Variants in NKAIN2 observed in about 807,000 individuals in gnomAD.
NKAIN2 encodes the protein sodium/potassium-transporting ATPase subunit beta-1-interacting protein 2.
A neutral mutation model predicts 32.6 loss-of-function variants in NKAIN2; 14 were observed. The observed-to-expected ratio is 0.43, with a 90% CI of 0.28 to 0.67. The LOEUF (loss-of-function observed/expected upper bound fraction) is 0.67. Among genes scored for constraint, NKAIN2 ranks in the 30% least tolerant of loss-of-function variants. The probability of loss-of-function intolerance (pLI) is 0.17; values close to 1 mark genes in which losing one functional copy is unlikely to be tolerated. For missense variants in NKAIN2, 198 were observed against 258.3 expected (o/e 0.77, Z 1.60); for synonymous variants, 80 against 87.2 (o/e 0.92, Z 0.46).
Position 124,751,512 on chromosome 6 carries a change from T to C in NKAIN2, c.475-39827T>C, listed in dbSNP as rs141436220. Among the ~76,000 whole-genome samples, 25 of 152,022 alleles carry C rather than the reference T, an allele frequency of 1.6e-4. No homozygotes were observed. The East Asian group carries it at 4.3e-3, about 26-fold the overall frequency. On this transcript the variant is annotated intron_variant, in intron 4 of 6. Coordinates refer to ENST00000368417, the MANE Select transcript of NKAIN2 (RefSeq NM_001040214.3). ...GATCAGAAAGGATGGGTTCCTGAGATGTCCCTTGAAAAATAGGGTAGTTAC... is the reference window on the plus strand; with the variant it reads ...GATCAGAAAGGATGGGTTCCTGAGACGTCCCTTGAAAAATAGGGTAGTTAC...
intron 1 of NKAIN2, among the ~76,000 whole-genome samples, chr6:123,966,936 A>T (rs1305056801): frequency 6.6e-6 from 1 of 152,172 alleles, no homozygotes; most frequent in Non-Finnish European, 1.5e-5. Flanking sequence ...TTAACTATGA[A>T]ACTATTAAGG....
At chr6:124,230,746 ATC>A (rs919701647) in intron 1 of NKAIN2, among the ~76,000 whole-genome samples, 7 of 152,326 alleles carry the variant, frequency 4.6e-5, no homozygotes, top group African/African-American at 1.2e-4. Flanking sequence ...GAGTTTGGGA[ATC>A]TCTGCCTAGA....
intron 3 of NKAIN2, among the ~76,000 whole-genome samples, chr6:124,457,774 G>C (rs1203759475): frequency 6.6e-6 from 1 of 151,838 alleles, no homozygotes; most frequent in Admixed American, 6.6e-5. Context: ...CCATTGCCAG[G>C]TGCCAAGATG....
At chr6:124,568,749 T>C (rs1781014576) in intron 3 of NKAIN2, among the ~76,000 whole-genome samples, 1 of 133,410 alleles carries the variant, frequency 7.5e-6, no homozygotes, top group Non-Finnish European at 1.5e-5. Flanking sequence ...AAAGAAAAAG[T>C]CAATAAAAAT....
At chr6:124,519,349 A>G (rs912102694) in intron 3 of NKAIN2, among the ~76,000 whole-genome samples, 6 of 152,184 alleles carry the variant, frequency 3.9e-5, no homozygotes, top group Non-Finnish European at 7.4e-5. Flanking sequence ...CAGGCTGACC[A>G]TCAATGAGGA....
At chr6:124,492,714 T>C (rs1211880881) in intron 3 of NKAIN2, among the ~76,000 whole-genome samples, 2 of 152,182 alleles carry the variant, frequency 1.3e-5, no homozygotes, top group Admixed American at 1.3e-4. Context: ...AACTATGATA[T>C]ACTTAATGTA....
At chr6:124,466,827 A>G (rs1405503723) in intron 3 of NKAIN2, among the ~76,000 whole-genome samples, 1 of 152,010 alleles carries the variant, frequency 6.6e-6, no homozygotes, top group Non-Finnish European at 1.5e-5. Flanking sequence ...AAAATGTTCA[A>G]TGGACGTAGA....
chr6:123,997,176 T>G (rs1373804451), intron 1 of NKAIN2, among the ~76,000 whole-genome samples: 3 of 152,196 alleles, frequency 2.0e-5, no homozygotes, highest in Non-Finnish European at 4.4e-5. Context: ...ACATTTCTAT[T>G]TATTTTAGGC....
At chr6:124,327,967 A>C (rs748153750) in intron 2 of NKAIN2, among the ~76,000 whole-genome samples, 1 of 152,344 alleles carries the variant, frequency 6.6e-6, no homozygotes, top group Non-Finnish European at 1.5e-5. Flanking sequence ...TCAAGTATTT[A>C]GATAAACATT....
chr6:124,412,962 A>G (rs954556424), intron 3 of NKAIN2, among the ~76,000 whole-genome samples: 1 of 151,960 alleles, frequency 6.6e-6, no homozygotes, highest in East Asian at 1.9e-4. Flanking sequence ...TGGGCGTAGG[A>G]CCCTCCGAGC....
intron 3 of NKAIN2, among the ~76,000 whole-genome samples, chr6:124,516,015 T>C (rs1778900476): frequency 6.6e-6 from 1 of 152,150 alleles, no homozygotes; most frequent in East Asian, 1.9e-4. Flanking sequence ...TTTCTTCAAA[T>C]TGTTCAAAAA....
intron 1 of NKAIN2, among the ~76,000 whole-genome samples, chr6:123,867,527 C>A (rs1440311638): frequency 6.6e-6 from 1 of 152,194 alleles, no homozygotes; most frequent in East Asian, 1.9e-4. Flanking sequence ...GTATTTACTT[C>A]ACAATATTGT....
At chr6:124,676,378 C>T (rs1407035870) in intron 4 of NKAIN2, among the ~76,000 whole-genome samples, 1 of 152,042 alleles carries the variant, frequency 6.6e-6, no homozygotes, top group Non-Finnish European at 1.5e-5. Flanking sequence ...TTTTTCTTAT[C>T]GACTTTCTAT....
intron 4 of NKAIN2, among the ~76,000 whole-genome samples, chr6:124,746,526 C>T (rs1777459768): frequency 1.3e-5 from 2 of 151,728 alleles, no homozygotes; most frequent in South Asian, 2.1e-4. Flanking sequence ...AATTTTTTGA[C>T]ACATTGAATA....
At chr6:124,042,536 GA>G (rs967047630) in intron 1 of NKAIN2, among the ~76,000 whole-genome samples, 71 of 152,032 alleles carry the variant, frequency 4.7e-4, no homozygotes, top group African/African-American at 1.7e-3. Context: ...ACTCGTGGGG[GA>G]AAAAACCCAC....
intron 3 of NKAIN2, among the ~76,000 whole-genome samples, chr6:124,578,197 G>A (rs1440378859): frequency 1.3e-5 from 2 of 151,944 alleles, no homozygotes; most frequent in Non-Finnish European, 2.9e-5. Flanking sequence ...GAAGAGTGAA[G>A]GAGACTTTGT....
At chr6:124,194,172 C>T (rs1229605821) in intron 1 of NKAIN2, among the ~76,000 whole-genome samples, 4 of 151,946 alleles carry the variant, frequency 2.6e-5, no homozygotes, top group African/African-American at 9.7e-5. Context: ...GCCCAGCCCC[C>T]AGGCTTCAGC....
At chr6:124,418,458 A>G (rs1210883794) in intron 3 of NKAIN2, among the ~76,000 whole-genome samples, 1 of 148,882 alleles carries the variant, frequency 6.7e-6, no homozygotes, top group Non-Finnish European at 1.5e-5. Flanking sequence ...TGGGAACTAT[A>G]CATATAGTTT....
At chr6:124,555,604 C>T (rs1780445076) in intron 3 of NKAIN2, among the ~76,000 whole-genome samples, 1 of 152,208 alleles carries the variant, frequency 6.6e-6, no homozygotes, top group African/African-American at 2.4e-5. Context: ...GTATACCCAA[C>T]TCTTATTACC....
Sources: allele counts gnomAD v4.1 joint callset (sites outside exome capture counted in the v4.1 genomes callset), GRCh38; gene constraint gnomAD v4.1.1; transcripts MANE v1.5; gene names NCBI Gene and HGNC (gene_info 2026-07-23, HGNC 2026-07-21).